MACROD2: variants seen among roughly 807,000 people sequenced by gnomAD.
MACROD2 encodes ADP-ribose glycohydrolase MACROD2.
In MACROD2, 36 loss-of-function variants were observed where a neutral mutation model predicts 70.4. That is an observed-to-expected ratio of 0.51 (90% confidence interval 0.39 to 0.68). MACROD2 has a LOEUF of 0.68. MACROD2 is among the 30% of genes least tolerant of loss of function. The pLI is 0.00. For synonymous variants in MACROD2, 172 were observed against 178.8 expected, an observed-to-expected ratio of 0.96 and a Z score of 0.30; for missense variants, 496 against 538.4, an observed-to-expected ratio of 0.92 and a Z score of 0.78.
rs2078141797 is a variant in MACROD2 at position 15,344,389 on chromosome 20, GTGAT to G, written c.541-87013_541-87010del. Among the ~76,000 whole-genome samples the G allele has an allele frequency of 2.6e-5, 4 of 152,134 alleles. No individual in the cohort carries two copies. In the South Asian group the frequency reaches 8.3e-4, roughly 32 times the overall value. The stretch of plus-strand genomic sequence containing the variant: ...TTCATTTTTGTATGGACAGTTCTGA[GTGAT>G]TGGTAGGGCCAGAAAAAGCTCTTCT... On this transcript the variant is annotated intron_variant, in intron 6 of 17. Transcript: ENST00000684519.
At chr20:14,945,470 C>T (rs1014963251) in intron 5 of MACROD2, among the ~76,000 whole-genome samples, 1 of 152,114 alleles carries the variant, frequency 6.6e-6, no homozygotes, top group African/African-American at 2.4e-5. Flanking sequence ...TGGCTGTCAC[C>T]TTAGTAAGGG....
At position 15,227,823 on chromosome 20, in the gene MACROD2, G is replaced by GTTTTTTTTTTTTTTTT. The variant is rs59129207; in HGVS notation, c.419-2106_419-2091dup. Among the ~76,000 whole-genome samples the GTTTTTTTTTTTTTTTT allele has an allele frequency of 2.0e-3, 92 of 46,108 alleles. 20 individuals carry two copies. Among genetic ancestry groups the GTTTTTTTTTTTTTTTT allele is most frequent in the Non-Finnish European group, 3.0e-3 (77 of 26,000 alleles). 30.2% of individuals were successfully genotyped at this position (46,108 alleles called of 152,430 possible). A position where few individuals can be genotyped will look rare whatever the true frequency, so the allele number is the denominator to read the frequency against. On this transcript the variant is annotated intron_variant, in intron 5 of 17. Coordinates refer to ENST00000684519, the MANE Select transcript of MACROD2 (RefSeq NM_001351661.2). ...TAACTGGTGTGATAGAATTTCACCT[G>GTTTTTTTTTTTTTTTT]TTTTTTTTTTTTTTTTTTTTTTTTT... is the stretch of plus-strand genomic sequence containing the variant.
intron 4 of MACROD2, among the ~76,000 whole-genome samples, chr20:14,598,480 A>G (rs543511743): frequency 6.6e-6 from 1 of 152,304 alleles, no homozygotes; most frequent in African/African-American, 2.4e-5. Flanking sequence ...ATGGTAATAT[A>G]GAATATAATT....
chr20:15,599,960 G>A lies in MACROD2; in HGVS notation c.645+100113G>A, dbSNP rs55667146. 2.7e-3 allele frequency among the ~76,000 whole-genome samples: 411 copies of A among 152,164 alleles called. 1 individual carries two copies. The highest frequency in any genetic ancestry group is 7.9e-3 in the African/African-American group (328 of 41,496). ...TTCCTTTGGCTGCCAACTCTAGGAT[G>A]GGGCACACAACCTGAGAAAGATCTC... On this transcript the variant is annotated intron_variant, in intron 8 of 17. Transcript: ENST00000684519.
chr20:15,029,715 G>A (rs1162963318), intron 5 of MACROD2, among the ~76,000 whole-genome samples: 1 of 152,142 alleles, frequency 6.6e-6, no homozygotes, highest in Non-Finnish European at 1.5e-5. Flanking sequence ...GTTATGCCAA[G>A]TGTATGAAGA....
chr20:15,597,099 G>A (rs1350667423), intron 8 of MACROD2, among the ~76,000 whole-genome samples: 2 of 152,128 alleles, frequency 1.3e-5, no homozygotes, highest in Admixed American at 1.3e-4. Context: ...GTTTTTATTT[G>A]TTTGTTTTGA....
At chr20:15,986,640 A>T in intron 13 of MACROD2, 87 bp from the exon 14 acceptor site, 2 of 1,013,636 alleles carry the variant, frequency 2.0e-6, no homozygotes, top group South Asian at 3.1e-5. Context: ...TCCATGCATG[A>T]TTAAAGCACG....
At chr20:15,424,607 C>G (rs181726788) in intron 6 of MACROD2, among the ~76,000 whole-genome samples, 43 of 152,260 alleles carry the variant, frequency 2.8e-4, no homozygotes, top group African/African-American at 1.0e-3. Context: ...GTAGTCCCAG[C>G]TACTTAGGAG....
At chr20:14,989,674 A>T (rs2074882943) in intron 5 of MACROD2, among the ~76,000 whole-genome samples, 1 of 152,236 alleles carries the variant, frequency 6.6e-6, no homozygotes, top group Non-Finnish European at 1.5e-5. Context: ...TAGAACTGTC[A>T]TAGCGCTGGT....
intron 5 of MACROD2, among the ~76,000 whole-genome samples, chr20:15,004,811 A>G (rs1304728685): frequency 6.6e-6 from 1 of 152,220 alleles, no homozygotes; most frequent in Non-Finnish European, 1.5e-5. Context: ...TTAGGCAGTA[A>G]AGGTCTGAAC....
intron 4 of MACROD2, among the ~76,000 whole-genome samples, chr20:14,629,963 C>CTATT (rs1568709353): frequency 2.1e-5 from 3 of 145,894 alleles, no homozygotes; most frequent in Admixed American, 6.8e-5. Flanking sequence ...GTCTATCTAT[C>CTATT]TATCTATCTA....
At chr20:15,739,644 A>G (rs1179269663) in intron 8 of MACROD2, among the ~76,000 whole-genome samples, 1 of 152,246 alleles carries the variant, frequency 6.6e-6, no homozygotes, top group African/African-American at 2.4e-5. Context: ...GGCTACAAAG[A>G]GATGAAGAAC....
intron 3 of MACROD2, among the ~76,000 whole-genome samples, chr20:14,448,259 T>C (rs1023644860): frequency 3.9e-5 from 6 of 152,028 alleles, no homozygotes; most frequent in African/African-American, 1.2e-4. Flanking sequence ...TTCAGTGTAC[T>C]AAATTGAGAC....
At chr20:15,071,216 A>T (rs1568558990) in intron 5 of MACROD2, among the ~76,000 whole-genome samples, 1 of 152,216 alleles carries the variant, frequency 6.6e-6, no homozygotes, top group African/African-American at 2.4e-5. Context: ...AAAGAATAGA[A>T]ACATTTAGGC....
intron 3 of MACROD2, among the ~76,000 whole-genome samples, chr20:14,411,886 T>G (rs2083753808): frequency 6.6e-6 from 1 of 152,200 alleles, no homozygotes; most frequent in South Asian, 2.1e-4. Context: ...CCCAAAAGAC[T>G]TAGACACCAC....
chr20:15,079,857 A>G (rs775957618), intron 5 of MACROD2, among the ~76,000 whole-genome samples: 1 of 152,074 alleles, frequency 6.6e-6, no homozygotes, highest in Non-Finnish European at 1.5e-5. Flanking sequence ...CTCATCACTA[A>G]GAAAACCACT....
intron 9 of MACROD2, among the ~76,000 whole-genome samples, chr20:15,877,196 C>T (rs953867404): frequency 2.6e-5 from 4 of 152,096 alleles, no homozygotes; most frequent in Admixed American, 6.6e-5. Flanking sequence ...TGCTTGCACA[C>T]GTCCATCTCC....
chr20:14,610,008 T>C (rs760371530), intron 4 of MACROD2, among the ~76,000 whole-genome samples: 4 of 152,310 alleles, frequency 2.6e-5, no homozygotes, highest in South Asian at 4.1e-4. Flanking sequence ...CGCAGGGTTT[T>C]ACAACACTTT....
intron 8 of MACROD2, among the ~76,000 whole-genome samples, chr20:15,641,572 G>A (rs560388943): frequency 1.1e-3 from 173 of 152,254 alleles, no homozygotes; most frequent in African/African-American, 4.1e-3. Flanking sequence ...TCCATTATTA[G>A]TGGAGAAGAT....
Sources: gnomAD v4.1 joint callset for allele counts (sites outside exome capture counted in the v4.1 genomes callset) on GRCh38, gnomAD v4.1.1 for gene constraint, MANE v1.5 for transcripts, NCBI Gene and HGNC (gene_info 2026-07-23, HGNC 2026-07-21) for gene names.